The following MAN2A1 variants were observed in gnomAD, a reference collection of about 807,000 sequenced individuals.
The protein encoded by MAN2A1 is alpha-mannosidase 2.
In MAN2A1, 76 loss-of-function variants were observed where a neutral mutation model predicts 142.6. The ratio of observed to expected loss-of-function variants is 0.53; its 90% confidence interval spans 0.44 to 0.65. The LOEUF is 0.65. Ranked by LOEUF, MAN2A1 falls within the 30% of genes least tolerant of loss-of-function variation. The pLI is 0.00. For synonymous variants in MAN2A1, 559 were observed against 473.2 expected, an observed-to-expected ratio of 1.18 and a Z score of -2.35; for missense variants, 1,311 against 1,365.1, an observed-to-expected ratio of 0.96 and a Z score of 0.62.
chr5:109,864,928 C>T (rs998351664), intron 20 of MAN2A1, 108 bp from the exon 21 acceptor site: 1 of 775,508 alleles, frequency 1.3e-6, no homozygotes, highest in Non-Finnish European at 2.2e-6. Context: ...AACTTTCTTG[C>T]TAAATAAATG....
At chr5:109,711,994 T>G (rs996184629) in intron 1 of MAN2A1, among the ~76,000 whole-genome samples, 7 of 152,190 alleles carry the variant, frequency 4.6e-5, no homozygotes, top group African/African-American at 1.7e-4. Flanking sequence ...GGCTGTCTTG[T>G]GCTCCTTTCT....
rs1367342140 is a variant in MAN2A1, at chr5:109,719,261, A to G, written c.535+2997A>G. On this transcript the variant is annotated intron_variant, in intron 3 of 21. Transcript: ENST00000261483. ...GACTCTCAAACCCTTCTCCACTTGG[A>G]AAAAATAATTGTCAGAAACAAACAT... Among the ~76,000 whole-genome samples, 4 of 152,196 alleles carry G rather than the reference A, an allele frequency of 2.6e-5. No homozygotes were observed. The East Asian group carries it at 7.7e-4, about 29-fold the overall frequency.
chr5:109,790,462 C>G (rs1175436135), intron 12 of MAN2A1, among the ~76,000 whole-genome samples: 1 of 151,646 alleles, frequency 6.6e-6, no homozygotes, highest in Non-Finnish European at 1.5e-5. Flanking sequence ...TTCCTTAGAA[C>G]GAGATAATAA....
intron 1 of MAN2A1, among the ~76,000 whole-genome samples, chr5:109,700,190 T>C (rs1199485822): frequency 6.6e-6 from 1 of 152,144 alleles, no homozygotes; most frequent in Non-Finnish European, 1.5e-5. Context: ...CTCTTGAATC[T>C]CATTATTTAA....
At chr5:109,828,135 A>G (rs537277191) in intron 16 of MAN2A1, among the ~76,000 whole-genome samples, 103 of 151,502 alleles carry the variant, frequency 6.8e-4, no homozygotes, top group African/African-American at 2.4e-3. Flanking sequence ...AAGAAAAAAA[A>G]TTTCTAATGA....
intron 4 of MAN2A1, among the ~76,000 whole-genome samples, chr5:109,754,870 G>A (rs529930456): frequency 1.3e-5 from 2 of 152,316 alleles, no homozygotes; most frequent in East Asian, 3.9e-4. Context: ...GCATGGTGGC[G>A]CATGCCTGTA....
intron 8 of MAN2A1, among the ~76,000 whole-genome samples, chr5:109,780,828 T>A (rs1008146449): frequency 1.3e-5 from 2 of 152,184 alleles, no homozygotes; most frequent in Admixed American, 1.3e-4. Flanking sequence ...CAGTGTTACC[T>A]ACTGGTAGAG....
chr5:109,840,754 C>T (rs1755182173), intron 16 of MAN2A1: 1 of 337,584 alleles, frequency 3.0e-6, no homozygotes, highest in Non-Finnish European at 5.7e-6. Flanking sequence ...CCTGCTATGG[C>T]GTGCCCTGCC....
intron 20 of MAN2A1, chr5:109,864,107 C>T (rs1755822130): frequency 6.6e-6 from 1 of 152,182 alleles, no homozygotes; most frequent in Non-Finnish European, 1.5e-5. Flanking sequence ...GGCGTTTGGG[C>T]ATATTCCTGT....
chr5:109,780,508 ATCTG>A (rs1254015864), intron 8 of MAN2A1, among the ~76,000 whole-genome samples: 1 of 138,796 alleles, frequency 7.2e-6, no homozygotes, highest in Non-Finnish European at 1.5e-5. Flanking sequence ...GACTTGCAAT[ATCTG>A]TGTGTGTGTG....
intron 5 of MAN2A1, among the ~76,000 whole-genome samples, chr5:109,757,735 A>T (rs986899994): frequency 2.0e-5 from 3 of 152,000 alleles, no homozygotes; most frequent in Non-Finnish European, 2.9e-5. Flanking sequence ...TCAGGCTATC[A>T]CTAGTCTTTC....
chr5:109,716,945 C>G (rs181809047), intron 3 of MAN2A1, among the ~76,000 whole-genome samples: 1 of 152,156 alleles, frequency 6.6e-6, no homozygotes, highest in Admixed American at 6.5e-5. Flanking sequence ...TCCCTTCCCC[C>G]ACCCCTGACC....
chr5:109,708,509 G>GAGACACACACACACAC (rs1554072321), intron 1 of MAN2A1, among the ~76,000 whole-genome samples: 12 of 124,606 alleles, frequency 9.6e-5, no homozygotes, highest in African/African-American at 3.4e-4. Context: ...GAACTGATAG[G>GAGACACACACACACAC]ACACACACAC....
intron 1 of MAN2A1, among the ~76,000 whole-genome samples, chr5:109,697,983 C>A (rs1750861577): frequency 6.6e-6 from 1 of 152,186 alleles, no homozygotes; most frequent in Non-Finnish European, 1.5e-5. Context: ...GTTTGTTTCT[C>A]TTCTTTCACC....
chr5:109,764,320 T>A (rs1438769576), intron 5 of MAN2A1, among the ~76,000 whole-genome samples: 1 of 152,196 alleles, frequency 6.6e-6, no homozygotes, highest in Non-Finnish European at 1.5e-5. Context: ...CATACTTTGT[T>A]CTTGTATTTT....
intron 4 of MAN2A1, among the ~76,000 whole-genome samples, chr5:109,744,666 G>C (rs1489765272): frequency 6.6e-6 from 1 of 152,114 alleles, no homozygotes; most frequent in Non-Finnish European, 1.5e-5. Flanking sequence ...TGTTGCGGGT[G>C]GGAATGCAAA....
At chr5:109,864,350 T>G (rs546294231) in intron 20 of MAN2A1, 1 of 152,300 alleles carries the variant, frequency 6.6e-6, no homozygotes, top group East Asian at 1.9e-4. Flanking sequence ...ATGAGAAATT[T>G]TATTGCAAGA....
rs534762628 is a variant in MAN2A1 at position 109,761,292 on chromosome 5, T to C, written c.835+5836T>C. Among the ~76,000 whole-genome samples, 3 of 151,962 alleles carry C rather than the reference T, an allele frequency of 2.0e-5. No individual in the cohort carries two copies. The South Asian group carries it at 6.2e-4, about 31-fold the overall frequency. On this transcript the variant is annotated intron_variant, in intron 5 of 21. Coordinates refer to ENST00000261483, the MANE Select transcript of MAN2A1 (RefSeq NM_002372.4). ...AGTAATGACATAGGGTAGTGGTCTT[T>C]CTTGTTCCAGATTTTTAATAGAAAT... is the stretch of plus-strand genomic sequence containing the variant.
chr5:109,855,062 A>G (rs1755570819), intron 19 of MAN2A1, 78 bp from the exon 20 acceptor site: 3 of 648,388 alleles, frequency 4.6e-6, no homozygotes, highest in South Asian at 4.0e-5. Context: ...TTTATATTAA[A>G]CCCTCTCAGA....
Sources: gnomAD v4.1 joint callset for allele counts (sites outside exome capture counted in the v4.1 genomes callset) on GRCh38, gnomAD v4.1.1 for gene constraint, MANE v1.5 for transcripts, NCBI Gene and HGNC (gene_info 2026-07-23, HGNC 2026-07-21) for gene names.